Variants in GALNT17 observed in about 807,000 individuals in gnomAD.
GALNT17 encodes UDP-GalNAc:polypeptide N-acetylgalactosaminyltransferase-like 3.
GALNT17 carries 29 observed loss-of-function variants against 63.7 expected under a neutral mutation model. That is an observed-to-expected ratio of 0.46 (90% CI 0.34 to 0.62). GALNT17 has a LOEUF of 0.62. GALNT17 is among the 20% of genes least tolerant of loss of function. The pLI, the probability that GALNT17 is intolerant of heterozygous loss-of-function variation, is 0.01. For missense variants in GALNT17, 603 were observed against 799.6 expected (o/e 0.75, Z 2.97); for synonymous variants, 305 against 318.3 (o/e 0.96, Z 0.45).
Position 71,530,634 on chromosome 7 carries a change from C to T in GALNT17, c.963-40651C>T, listed in dbSNP as rs971997585. On this transcript the variant is annotated intron_variant, in intron 5 of 10. Transcript: ENST00000333538. The stretch of plus-strand genomic sequence containing the variant: ...TGTCGCCCAGGCTGGAGTGCAGTGG[C>T]GCCATCTTGGCTGCCTCCTGCCTCC... 1.3e-4 allele frequency among the ~76,000 whole-genome samples: 20 copies of T among 151,884 alleles called. No individual in the cohort carries two copies. The East Asian group carries it at 1.7e-3, about 13-fold the overall frequency.
chr7:71,224,946 T>C (rs1789653832), intron 1 of GALNT17, among the ~76,000 whole-genome samples: 1 of 152,192 alleles, frequency 6.6e-6, no homozygotes, highest in African/African-American at 2.4e-5. Context: ...CTTGGCAACT[T>C]CAGTCCTAAC....
At chr7:71,646,098 C>G (rs755423059) in intron 6 of GALNT17, among the ~76,000 whole-genome samples, 1 of 152,178 alleles carries the variant, frequency 6.6e-6, no homozygotes, top group African/African-American at 2.4e-5. Context: ...CATTTTGCCT[C>G]CAAGTTCCTA....
At chr7:71,521,090 T>C (rs1464101277) in intron 5 of GALNT17, among the ~76,000 whole-genome samples, 1 of 152,268 alleles carries the variant, frequency 6.6e-6, no homozygotes, top group Non-Finnish European at 1.5e-5. Context: ...ATTCTGGATG[T>C]GTGTGCCATG....
intron 5 of GALNT17, among the ~76,000 whole-genome samples, chr7:71,464,712 G>A (rs753988274): frequency 1.2e-4 from 18 of 152,270 alleles, no homozygotes; most frequent in African/African-American, 2.9e-4. Flanking sequence ...CACTTGGTCC[G>A]TGGACAGGAT....
intron 5 of GALNT17, among the ~76,000 whole-genome samples, chr7:71,515,285 C>T (rs1788427407): frequency 6.6e-6 from 1 of 152,152 alleles, no homozygotes; most frequent in Non-Finnish European, 1.5e-5. Flanking sequence ...GACTACACAT[C>T]TCCCTCAACC....
chr7:71,490,959 C>T (rs978559269), intron 5 of GALNT17, among the ~76,000 whole-genome samples: 2 of 151,860 alleles, frequency 1.3e-5, no homozygotes, highest in African/African-American at 4.8e-5. Flanking sequence ...TTTGGGAGGC[C>T]GAGGCAGGCG....
intron 6 of GALNT17, among the ~76,000 whole-genome samples, chr7:71,628,840 G>A (rs185123041): frequency 0.012 from 1,769 of 152,186 alleles, 11 homozygotes; most frequent in Middle Eastern, 0.034. Context: ...GCTGAGGCAC[G>A]AGAATCGCTT....
At chr7:71,300,286 T>C (rs1335081752) in intron 1 of GALNT17, 1 of 314,292 alleles carries the variant, frequency 3.2e-6, no homozygotes, top group East Asian at 9.2e-5. Context: ...AGAGAGGAAA[T>C]GTATCTGGAC....
chr7:71,177,203 T>C (rs1412514995), intron 1 of GALNT17, among the ~76,000 whole-genome samples: 1 of 152,126 alleles, frequency 6.6e-6, no homozygotes, highest in Non-Finnish European at 1.5e-5. Context: ...GGTATCCAAA[T>C]CAAACTCAGC....
At chr7:71,361,107 A>G (rs1322721925) in intron 2 of GALNT17, among the ~76,000 whole-genome samples, 2 of 152,142 alleles carry the variant, frequency 1.3e-5, no homozygotes, top group East Asian at 1.9e-4. Flanking sequence ...TTATTATTAT[A>G]TGAGTTACCC....
At chr7:71,385,042 G>A (rs1242106167) in intron 2 of GALNT17, among the ~76,000 whole-genome samples, 1 of 152,156 alleles carries the variant, frequency 6.6e-6, no homozygotes, top group East Asian at 1.9e-4. Context: ...TGATTGGGGT[G>A]GGGCAGTGCA....
rs1176317247 is a variant in GALNT17, at chr7:71,710,816, C to G, written c.1556C>G (p.Thr519Arg). The G allele has an allele frequency of 5.6e-6, 9 of 1,613,632 alleles. No homozygotes were observed. Among genetic ancestry groups the G allele is most frequent in the Non-Finnish European group, 7.6e-6 (9 of 1,179,954 alleles). Reference protein sequence around the residue: ...FLHLGALGTTTLLPDTRCLVD... With the variant: ...FLHLGALGTTRLLPDTRCLVD... ...CACTTGGGTGCCCTGGGGACCACCA[C>G]ACTCCTCCCTGACACCCGCTGCCTG... Residue 519 changes from threonine to arginine, a missense_variant, in exon 10 of 11, where the codon ACA (threonine) becomes AGA (arginine). Transcript: ENST00000333538.
chr7:71,367,173 C>T (rs1327617664), intron 2 of GALNT17, among the ~76,000 whole-genome samples: 2 of 152,204 alleles, frequency 1.3e-5, no homozygotes, highest in Non-Finnish European at 2.9e-5. Context: ...TCTTGTAAAA[C>T]CACTGCCGTA....
At chr7:71,329,918 TGTGTGTGTGTGTGTATATATATACACAC>T (rs1234230251) in intron 1 of GALNT17, among the ~76,000 whole-genome samples, 1 of 30,052 alleles carries the variant, frequency 3.3e-5, no homozygotes, top group Non-Finnish European at 8.3e-5. Flanking sequence ...TATATATGTA[TGTGTGTGTGTGTGTATATATATACACAC>T]ATATGTGTGT....
intron 1 of GALNT17, among the ~76,000 whole-genome samples, chr7:71,254,206 C>T (rs1790249782): frequency 6.6e-6 from 1 of 152,136 alleles, no homozygotes; most frequent in South Asian, 2.1e-4. Context: ...GACCTAGAAT[C>T]AATAGAAAGG....
intron 6 of GALNT17, among the ~76,000 whole-genome samples, chr7:71,627,801 G>GC (rs536493615): frequency 3.0e-4 from 46 of 151,930 alleles, no homozygotes; most frequent in Admixed American, 2.0e-3. Flanking sequence ...CAAGAACAAT[G>GC]CCCCCCCGCC....
At chr7:71,508,895 C>T (rs1788307410) in intron 5 of GALNT17, among the ~76,000 whole-genome samples, 1 of 152,138 alleles carries the variant, frequency 6.6e-6, no homozygotes, top group African/African-American at 2.4e-5. Context: ...GTACCCTGGA[C>T]ACGTTCTTGT....
At chr7:71,243,389 C>T (rs970887563) in intron 1 of GALNT17, among the ~76,000 whole-genome samples, 7 of 152,134 alleles carry the variant, frequency 4.6e-5, no homozygotes, top group African/African-American at 1.7e-4. Flanking sequence ...CGAAAATAGA[C>T]TAATACATCT....
chr7:71,639,146 T>C (rs2117003708), intron 6 of GALNT17, among the ~76,000 whole-genome samples: 1 of 152,296 alleles, frequency 6.6e-6, no homozygotes, highest in South Asian at 2.1e-4. Context: ...TACCCCATTC[T>C]CCATGATGGG....
Sources: gnomAD v4.1 joint callset for allele counts (sites outside exome capture counted in the v4.1 genomes callset) on GRCh38, gnomAD v4.1.1 for gene constraint, MANE v1.5 for transcripts, NCBI Gene and HGNC (gene_info 2026-07-23, HGNC 2026-07-21) for gene names.